The following MORC1 variants were observed in gnomAD, a reference collection of about 807,000 sequenced individuals.
The protein encoded by MORC1 is MORC family CW-type zinc finger protein 1.
MORC1 carries 59 observed loss-of-function variants against 134.9 expected under a neutral mutation model. The observed-to-expected ratio is 0.44, with a 90% CI of 0.35 to 0.54. The LOEUF is 0.54. Ranked by LOEUF, MORC1 falls within the 20% of genes least tolerant of loss-of-function variation. MORC1 has a pLI of 0.00. For missense variants in MORC1, 947 were observed against 1,134.5 expected, an observed-to-expected ratio of 0.83 and a Z score of 2.37; for synonymous variants, 395 against 391.7, an observed-to-expected ratio of 1.01 and a Z score of -0.10.
At position 109,091,644 on chromosome 3, in the gene MORC1, C is replaced by G. The variant is rs367762918; in HGVS notation, c.689+1792G>C. ...TGATACTATCCCTTCTTGGCACCATCACAGTACTCGTGTCAGAGGCCATGA... is the reference window on the plus strand; with the variant it reads ...TGATACTATCCCTTCTTGGCACCATGACAGTACTCGTGTCAGAGGCCATGA... On this transcript the variant is annotated intron_variant, in intron 8 of 27. Coordinates refer to ENST00000232603, the MANE Select transcript of MORC1 (RefSeq NM_014429.4). Among the ~76,000 whole-genome samples the G allele has an allele frequency of 1.4e-4, 22 of 152,194 alleles. No individual in the cohort carries two copies. The East Asian group carries it at 3.5e-3, about 24-fold the overall frequency.
At chr3:109,082,196 G>C (rs1179563176) in intron 8 of MORC1, among the ~76,000 whole-genome samples, 2 of 151,786 alleles carry the variant, frequency 1.3e-5, no homozygotes, top group Non-Finnish European at 2.9e-5. Flanking sequence ...AGGCCAACCT[G>C]GGTTATAGCA....
At chr3:109,110,123 T>C (rs746282133) in intron 3 of MORC1, 1 of 152,240 alleles carries the variant, frequency 6.6e-6, no homozygotes, top group South Asian at 2.1e-4. Flanking sequence ...AACAGAGATA[T>C]GGATTTAGAT....
intron 17 of MORC1, among the ~76,000 whole-genome samples, chr3:109,027,137 C>T (rs1041363492): frequency 8.5e-5 from 13 of 152,250 alleles, no homozygotes; most frequent in Non-Finnish European, 1.8e-4. Flanking sequence ...ACAGGCTTCA[C>T]ATTTAAAAAA....
intron 14 of MORC1, among the ~76,000 whole-genome samples, chr3:109,043,488 A>G (rs1183406724): frequency 6.6e-6 from 1 of 152,152 alleles, no homozygotes; most frequent in African/African-American, 2.4e-5. Context: ...GATGGATGGT[A>G]GTGACAGTTG....
intron 8 of MORC1, among the ~76,000 whole-genome samples, chr3:109,074,939 T>C (rs950924228): frequency 2.0e-5 from 3 of 152,138 alleles, no homozygotes; most frequent in East Asian, 3.9e-4. Context: ...ACAGAGAATT[T>C]TGGAGACTGA....
chr3:109,050,729 G>T (rs1316246282), intron 14 of MORC1, among the ~76,000 whole-genome samples: 1 of 152,146 alleles, frequency 6.6e-6, no homozygotes, highest in Non-Finnish European at 1.5e-5. Context: ...TTAATATGAA[G>T]ATTTATGTAT....
intron 16 of MORC1, among the ~76,000 whole-genome samples, chr3:109,031,135 C>T (rs958691809): frequency 2.0e-5 from 3 of 152,100 alleles, no homozygotes; most frequent in African/African-American, 4.8e-5. Flanking sequence ...AAACTGCAGA[C>T]GACAGCTTCC....
chr3:109,041,050 G>A (rs1052082850), intron 14 of MORC1, among the ~76,000 whole-genome samples: 25 of 151,964 alleles, frequency 1.6e-4, no homozygotes, highest in Admixed American at 1.0e-3. Flanking sequence ...GGTGGCTCAC[G>A]CCTGTAATCC....
chr3:109,050,237 C>T (rs1451453371), intron 14 of MORC1, among the ~76,000 whole-genome samples: 1 of 152,194 alleles, frequency 6.6e-6, no homozygotes, highest in African/African-American at 2.4e-5. Flanking sequence ...TCGTGTTAGC[C>T]TGTGTCTTAG....
intron 21 of MORC1, among the ~76,000 whole-genome samples, chr3:108,996,286 G>GCGCGCACACACACACACACACACACA: frequency 0.026 from 3,734 of 146,238 alleles, 58 homozygotes; most frequent in South Asian, 0.036. Context: ...GCGCGCGCGC[G>GCGCGCACACACACACACACACACACA]CACACACACA....
At chr3:109,030,871 C>T (rs1949225744) in intron 16 of MORC1, among the ~76,000 whole-genome samples, 1 of 152,066 alleles carries the variant, frequency 6.6e-6, no homozygotes, top group African/African-American at 2.4e-5. Flanking sequence ...ATGATAAATG[C>T]TTGAAGTGAT....
rs370238586 is a variant in MORC1, at chr3:109,118,024, C to A, written c.36G>T (p.Gln12His). The stretch of plus-strand genomic sequence containing the variant: ...TGGCGTGGATGAAATCCAGACGCAG[C>A]TGGGCCCGCTGAAGCGCAGGGTACC... ...DDRYPALQRA[Q>H]LRLDFIHANS... The change falls in exon 1 of 28, where the codon CAG (glutamine) becomes CAT (histidine). Residue 12 changes from glutamine to histidine, a missense_variant. Transcript: ENST00000232603. 27 of 1,609,438 alleles carry A rather than the reference C, an allele frequency of 1.7e-5. No homozygotes were observed. The highest frequency in any genetic ancestry group is 2.3e-5 in the Non-Finnish European group (27 of 1,178,262).
At chr3:109,084,143 A>G (rs1950573509) in intron 8 of MORC1, among the ~76,000 whole-genome samples, 1 of 152,156 alleles carries the variant, frequency 6.6e-6, no homozygotes, top group Non-Finnish European at 1.5e-5. Context: ...CATAATACTG[A>G]AAGTTCTGGT....
chr3:109,075,968 C>T (rs1223438544), intron 8 of MORC1, among the ~76,000 whole-genome samples: 1 of 151,922 alleles, frequency 6.6e-6, no homozygotes, highest in Non-Finnish European at 1.5e-5. Context: ...GCGACAAAAG[C>T]CAAAATTGAC....
At chr3:109,074,417 A>G (rs1950379692) in intron 8 of MORC1, among the ~76,000 whole-genome samples, 1 of 152,246 alleles carries the variant, frequency 6.6e-6, no homozygotes, top group Non-Finnish European at 1.5e-5. Flanking sequence ...TGAAAAAGAG[A>G]CAAGGTGAAA....
chr3:108,960,910 A>G (rs930951292), intron 27 of MORC1, among the ~76,000 whole-genome samples: 24 of 152,224 alleles, frequency 1.6e-4, no homozygotes, highest in African/African-American at 5.5e-4. Context: ...AGATCTTTAG[A>G]GATGGACTAA....
At chr3:109,011,309 G>A (rs1397362198) in intron 17 of MORC1, among the ~76,000 whole-genome samples, 1 of 152,124 alleles carries the variant, frequency 6.6e-6, no homozygotes, top group African/African-American at 2.4e-5. Flanking sequence ...TCTATCCTAG[G>A]TCAACATAGC....
At chr3:109,052,426 C>T (rs563238445) in intron 14 of MORC1, among the ~76,000 whole-genome samples, 1 of 151,962 alleles carries the variant, frequency 6.6e-6, no homozygotes, top group Non-Finnish European at 1.5e-5. Flanking sequence ...TCAGGTGGGG[C>T]CTGGGATTCT....
At chr3:109,009,030 G>A (rs546869426) in intron 17 of MORC1, among the ~76,000 whole-genome samples, 45 of 152,132 alleles carry the variant, frequency 3.0e-4, no homozygotes, top group African/African-American at 8.9e-4. Context: ...GGTGTCTAAT[G>A]TCACATTTGT....
Sources: allele counts gnomAD v4.1 joint callset (sites outside exome capture counted in the v4.1 genomes callset), GRCh38; gene constraint gnomAD v4.1.1; transcripts MANE v1.5; gene names NCBI Gene and HGNC (gene_info 2026-07-23, HGNC 2026-07-21).